The following RNLS variants were observed in gnomAD, a reference collection of about 807,000 sequenced individuals.
The protein encoded by RNLS is renalase.
Under a neutral mutation model 39.8 loss-of-function variants are expected in RNLS, and 39 were observed. The observed-to-expected ratio is 0.98, with a 90% confidence interval of 0.76 to 1.28. The LOEUF (loss-of-function observed/expected upper bound fraction) is 1.28, where lower values mean the gene tolerates loss of function less well. RNLS is among the 50% of genes most tolerant of loss of function. The probability of loss-of-function intolerance (pLI) is 0.00; values close to 1 mark genes in which losing one functional copy is unlikely to be tolerated. For synonymous variants in RNLS, 147 were observed against 150.7 expected (o/e 0.98, Z 0.18); for missense variants, 410 against 413.3 (o/e 0.99, Z 0.07).
chr10:88,302,714 ATAAGGGTG>A (rs1236836390), intron 6 of RNLS, among the ~76,000 whole-genome samples: 1 of 152,236 alleles, frequency 6.6e-6, no homozygotes. Flanking sequence ...TTTTATTGAA[ATAAGGGTG>A]TAGTTTGTCG....
At chr10:88,567,029 G>T (rs186995571) in intron 4 of RNLS, among the ~76,000 whole-genome samples, 384 of 152,138 alleles carry the variant, frequency 2.5e-3, no homozygotes, top group African/African-American at 8.8e-3. Flanking sequence ...GAAAATAAAA[G>T]AGAGAACATT....
At chr10:88,237,736 G>A in the RNLS span, among the ~76,000 whole-genome samples, 1 of 152,250 alleles carries the variant, frequency 6.6e-6, no homozygotes, top group Middle Eastern at 3.4e-3. Flanking sequence ...ACCTATCAAT[G>A]AACAAATCTA....
At chr10:88,417,907 A>G (rs927171719) in intron 4 of RNLS, among the ~76,000 whole-genome samples, 3 of 152,160 alleles carry the variant, frequency 2.0e-5, no homozygotes, top group Non-Finnish European at 4.4e-5. Flanking sequence ...TCATGTTGAC[A>G]TTCCTGCCTC....
intron 5 of RNLS, among the ~76,000 whole-genome samples, chr10:88,354,131 C>T (rs890857111): frequency 1.3e-5 from 2 of 152,142 alleles, no homozygotes; most frequent in Non-Finnish European, 2.9e-5. Context: ...GATGGGTTTC[C>T]TGAATACAGC....
intron 4 of RNLS, among the ~76,000 whole-genome samples, chr10:88,376,970 CTT>C (rs1851053100): frequency 1.4e-5 from 2 of 147,784 alleles, no homozygotes; most frequent in African/African-American, 5.3e-5. Flanking sequence ...AAGAGTAACA[CTT>C]AACTTCATAA....
At chr10:88,274,626 T>C in exon 7 of RNLS, 1 of 236,126 alleles carries the variant, frequency 4.2e-6, no homozygotes. Flanking sequence ...ACCTTTTGGC[T>C]GTTGTGAATA....
At chr10:88,192,056 G>C in the RNLS span, among the ~76,000 whole-genome samples, 5 of 152,094 alleles carry the variant, frequency 3.3e-5, no homozygotes, top group Admixed American at 6.5e-5. Context: ...GGGTACCTAG[G>C]AGTAGCACAA....
chr10:88,538,918 G>A (rs1286087678), intron 4 of RNLS, among the ~76,000 whole-genome samples: 5 of 152,114 alleles, frequency 3.3e-5, no homozygotes, highest in Non-Finnish European at 2.9e-5. Context: ...CAAATAGGGT[G>A]TCTCCCAGAT....
At chr10:88,351,220 G>A (rs1050588259) in intron 5 of RNLS, among the ~76,000 whole-genome samples, 1 of 152,132 alleles carries the variant, frequency 6.6e-6, no homozygotes, top group African/African-American at 2.4e-5. Flanking sequence ...CTGTGCAGAA[G>A]CTCTTTAGTT....
At chr10:88,539,718 A>C (rs1847948252) in intron 4 of RNLS, among the ~76,000 whole-genome samples, 1 of 152,150 alleles carries the variant, frequency 6.6e-6, no homozygotes, top group African/African-American at 2.4e-5. Flanking sequence ...TACTTTCTTG[A>C]GTCTGATTTC....
intron 4 of RNLS, among the ~76,000 whole-genome samples, chr10:88,434,458 G>T (rs1470619867): frequency 1.3e-5 from 2 of 152,082 alleles, no homozygotes; most frequent in African/African-American, 4.8e-5. Flanking sequence ...GGTACCCAGA[G>T]TTCTTATTAT....
chr10:88,556,769 T>C (rs559331858), intron 4 of RNLS, among the ~76,000 whole-genome samples: 39 of 152,298 alleles, frequency 2.6e-4, no homozygotes, highest in Admixed American at 1.4e-3. Context: ...GTGTCTACTG[T>C]TTAAAAATCA....
In RNLS at chr10:88,486,445, G is replaced by A. The variant is rs142918655; in HGVS notation, c.526+86458C>T. ...AGAGTAAACAGCCTACAGAATGGGA[G>A]AAAATATTTGTAAACCATGCATCCG... On this transcript the variant is annotated intron_variant, in intron 4 of 6. Coordinates refer to ENST00000331772, the MANE Select transcript of RNLS (RefSeq NM_001031709.3). 5.3e-5 allele frequency among the ~76,000 whole-genome samples: 8 copies of A among 151,918 alleles called. No individual in the cohort carries two copies. In the East Asian group the frequency reaches 1.5e-3, roughly 29 times the overall value.
At position 88,510,947 on chromosome 10, in the gene RNLS, C is replaced by T. The variant is rs551005597; in HGVS notation, c.526+61956G>A. Among the ~76,000 whole-genome samples the T allele has an allele frequency of 1.4e-4, 21 of 147,946 alleles. No homozygotes were observed. In the South Asian group the frequency reaches 4.3e-3, roughly 30 times the overall value. On this transcript the variant is annotated intron_variant, in intron 4 of 6. Transcript: ENST00000331772. ...AGTATTACCTTTTTTTAAAGCCTTA[C>T]CTGCTTTAAAAAAATTCATCCACGT...
the RNLS span, among the ~76,000 whole-genome samples, chr10:88,219,433 T>G: frequency 3.7e-4 from 56 of 152,334 alleles, 1 homozygote; most frequent in Admixed American, 3.7e-3. Flanking sequence ...GATTTCCTAT[T>G]AGCACTCATG....
At chr10:88,434,198 T>C (rs932708426) in intron 4 of RNLS, among the ~76,000 whole-genome samples, 2 of 152,208 alleles carry the variant, frequency 1.3e-5, no homozygotes, top group African/African-American at 2.4e-5. Context: ...CTTTGATGTA[T>C]GCTTGCATGA....
Position 88,581,758 on chromosome 10 carries a change from G to T in RNLS, c.225-49C>A. ...TTAATGTAATTATATACCATGAATA[G>T]CTCTAAAAGACTATATTTTCTTTCA... On this transcript the variant is annotated intron_variant, in intron 2 of 6. Coordinates refer to ENST00000331772, the MANE Select transcript of RNLS (RefSeq NM_001031709.3). The T allele has an allele frequency of 5.8e-6, 7 of 1,215,066 alleles. No homozygotes were observed. In the South Asian group the frequency reaches 7.6e-5, roughly 13 times the overall value. The allele number at this position is 1,215,066 out of a possible 1,614,324, so 75.3% of individuals were successfully genotyped here. A position where few individuals can be genotyped will look rare whatever the true frequency, so the allele number is the denominator to read the frequency against.
chr10:88,352,310 C>A (rs1391654408), intron 5 of RNLS, among the ~76,000 whole-genome samples: 11 of 152,158 alleles, frequency 7.2e-5, no homozygotes, highest in Admixed American at 3.3e-4. Context: ...AGTTTTTGCC[C>A]ATTCAGGATG....
chr10:88,220,561 T>C, the RNLS span, among the ~76,000 whole-genome samples: 1 of 152,200 alleles, frequency 6.6e-6, no homozygotes, highest in Admixed American at 6.5e-5. Flanking sequence ...CGTAAAATCT[T>C]TCTTGGATTT....
Sources: gnomAD v4.1 joint callset for allele counts (sites outside exome capture counted in the v4.1 genomes callset) on GRCh38, gnomAD v4.1.1 for gene constraint, MANE v1.5 for transcripts, NCBI Gene and HGNC (gene_info 2026-07-23, HGNC 2026-07-21) for gene names.